Variants in LRMDA observed in about 807,000 individuals in gnomAD.
LRMDA encodes leucine rich melanocyte differentiation associated.
LRMDA carries 18 observed loss-of-function variants against 29.8 expected under a neutral mutation model. The ratio of observed to expected loss-of-function variants is 0.60; its 90% CI spans 0.42 to 0.90. The LOEUF is 0.90. Among genes scored for constraint, LRMDA ranks in the 40% least tolerant of loss-of-function variants. LRMDA has a pLI of 0.00. For synonymous variants in LRMDA, 125 were observed against 109.4 expected (o/e 1.14, Z -0.89); for missense variants, 273 against 273.9 (o/e 1.00, Z 0.02).
At chr10:76,121,371 C>T (rs1182599639) in intron 5 of LRMDA, among the ~76,000 whole-genome samples, 1 of 152,144 alleles carries the variant, frequency 6.6e-6, no homozygotes, top group Non-Finnish European at 1.5e-5. Context: ...GGGCTTGAGG[C>T]ACCATTATGA....
In LRMDA at chr10:75,718,101, A is replaced by G. The variant is rs555887685; in HGVS notation, c.131+279607A>G. Among the ~76,000 whole-genome samples the G allele has an allele frequency of 1.6e-4, 24 of 152,230 alleles. No homozygotes were observed. The South Asian group carries it at 4.4e-3, about 28-fold the overall frequency. On this transcript the variant is annotated intron_variant, in intron 2 of 6. Coordinates refer to ENST00000611255, the MANE Select transcript of LRMDA (RefSeq NM_001305581.2). ...ATTTTTCTGAAGGTGCTCAGACATG[A>G]CCCTTCAATCTTATTTGCACCATTT...
chr10:76,485,099 C>T (rs1301909021), intron 6 of LRMDA, among the ~76,000 whole-genome samples: 1 of 151,748 alleles, frequency 6.6e-6, no homozygotes. Context: ...CAATCTCTTT[C>T]CTATAATAGG....
chr10:76,446,758 G>A (rs892553311), intron 6 of LRMDA, among the ~76,000 whole-genome samples: 3 of 152,166 alleles, frequency 2.0e-5, no homozygotes, highest in Non-Finnish European at 4.4e-5. Flanking sequence ...GCCACGTTGC[G>A]TGGAAAACTT....
intron 6 of LRMDA, among the ~76,000 whole-genome samples, chr10:76,542,957 C>G (rs751942337): frequency 1.3e-5 from 2 of 152,136 alleles, no homozygotes; most frequent in African/African-American, 4.8e-5. Context: ...TGTGCTTAAC[C>G]CTCTAGGTGA....
chr10:75,917,009 C>T (rs543559001), intron 2 of LRMDA, among the ~76,000 whole-genome samples: 2 of 152,254 alleles, frequency 1.3e-5, no homozygotes, highest in East Asian at 3.9e-4. Flanking sequence ...TGTTAAGTTG[C>T]TTCTTTGCGA....
intron 2 of LRMDA, among the ~76,000 whole-genome samples, chr10:75,651,336 T>C (rs957040406): frequency 5.9e-5 from 9 of 152,136 alleles, no homozygotes; most frequent in African/African-American, 2.2e-4. Context: ...AATGTGATTC[T>C]AAAGGGTTAT....
At chr10:75,589,372 A>T (rs1840693674) in intron 2 of LRMDA, among the ~76,000 whole-genome samples, 1 of 152,210 alleles carries the variant, frequency 6.6e-6, no homozygotes. Context: ...GTATTCTATT[A>T]TATATTTAAT....
At chr10:75,744,052 A>ATGAAAAGGAATTGTGAAACAT (rs1589183082) in intron 2 of LRMDA, among the ~76,000 whole-genome samples, 1 of 152,334 alleles carries the variant, frequency 6.6e-6, no homozygotes, top group East Asian at 1.9e-4. Flanking sequence ...TAAAATATAC[A>ATGAAAAGGAATTGTGAAACAT]TGAAAAGGAA....
At chr10:75,965,699 C>A (rs1589269724) in intron 2 of LRMDA, among the ~76,000 whole-genome samples, 1 of 152,152 alleles carries the variant, frequency 6.6e-6, no homozygotes, top group African/African-American at 2.4e-5. Context: ...AGGACCATGG[C>A]ATCTTGACTT....
chr10:76,428,103 C>T (rs1163528534), intron 6 of LRMDA, among the ~76,000 whole-genome samples: 1 of 152,008 alleles, frequency 6.6e-6, no homozygotes, highest in Non-Finnish European at 1.5e-5. Flanking sequence ...TTTGGACAAC[C>T]TTAATTTCTT....
chr10:76,089,749 A>G (rs1407970000), intron 5 of LRMDA, among the ~76,000 whole-genome samples: 2 of 152,160 alleles, frequency 1.3e-5, no homozygotes, highest in African/African-American at 2.4e-5. Flanking sequence ...CCCATCTTTC[A>G]TCACCTAAAT....
intron 2 of LRMDA, among the ~76,000 whole-genome samples, chr10:75,764,619 A>C (rs542649890): frequency 7.2e-5 from 11 of 152,320 alleles, no homozygotes; most frequent in African/African-American, 2.6e-4. Flanking sequence ...GTGATGTGTC[A>C]TATATCAAAG....
intron 6 of LRMDA, among the ~76,000 whole-genome samples, chr10:76,407,619 G>A (rs1841916111): frequency 6.6e-6 from 1 of 152,130 alleles, no homozygotes; most frequent in Non-Finnish European, 1.5e-5. Flanking sequence ...TTATAGGTAA[G>A]TAAAAAGAGA....
At chr10:76,543,340 GTGTGTGTGTGTGTGTGTGTGT>G (rs1843381114) in intron 6 of LRMDA, among the ~76,000 whole-genome samples, 1 of 151,104 alleles carries the variant, frequency 6.6e-6, no homozygotes, top group Non-Finnish European at 1.5e-5. Context: ...GTGTGTGTGT[GTGTGTGTGTGTGTGTGTGTGT>G]AGAGAGTGAT....
At chr10:75,544,044 C>T (rs1840049484) in intron 2 of LRMDA, among the ~76,000 whole-genome samples, 2 of 152,126 alleles carry the variant, frequency 1.3e-5, no homozygotes, top group African/African-American at 4.8e-5. Context: ...CAAAGGAGTG[C>T]CAGGGACATC....
chr10:75,859,424 G>A (rs1039918176), intron 2 of LRMDA, among the ~76,000 whole-genome samples: 1 of 151,968 alleles, frequency 6.6e-6, no homozygotes, highest in African/African-American at 2.4e-5. Flanking sequence ...GGTATGACAT[G>A]GTACATCTCA....
intron 5 of LRMDA, among the ~76,000 whole-genome samples, chr10:76,126,306 C>A (rs1216258646): frequency 6.6e-6 from 1 of 152,130 alleles, no homozygotes; most frequent in African/African-American, 2.4e-5. Context: ...ATGACTTTGG[C>A]TTTTTGTTTG....
chr10:76,521,127 T>A (rs1843114883), intron 6 of LRMDA, among the ~76,000 whole-genome samples: 2 of 137,830 alleles, frequency 1.5e-5, no homozygotes, highest in East Asian at 4.1e-4. Context: ...CTATTCATTA[T>A]TACCATTTTT....
At chr10:76,346,978 C>T (rs1254937231) in intron 6 of LRMDA, among the ~76,000 whole-genome samples, 1 of 152,138 alleles carries the variant, frequency 6.6e-6, no homozygotes, top group Non-Finnish European at 1.5e-5. Flanking sequence ...GTTTTGGAAT[C>T]CCTTTATGAG....
Sources: gnomAD v4.1 joint callset for allele counts (sites outside exome capture counted in the v4.1 genomes callset) on GRCh38, gnomAD v4.1.1 for gene constraint, MANE v1.5 for transcripts, NCBI Gene and HGNC (gene_info 2026-07-23, HGNC 2026-07-21) for gene names.